AFF2: variants seen among roughly 807,000 people sequenced by gnomAD.
AFF2 encodes the protein ALF transcription elongation factor 2, also known as AF4/FMR2 family member 2.
In AFF2, 14 loss-of-function variants were observed where a neutral mutation model predicts 76.9. The observed-to-expected ratio is 0.18, with a 90% confidence interval of 0.12 to 0.28. AFF2 has a LOEUF of 0.28. Among genes scored for constraint, AFF2 ranks in the 10% least tolerant of loss-of-function variants. The pLI is 1.00. For synonymous variants in AFF2, 398 were observed against 366.7 expected (o/e 1.09, Z -0.98); for missense variants, 868 against 1,001.1 (o/e 0.87, Z 1.79).
At chrX:148,743,091 T>C (rs1473337681) in intron 3 of AFF2, among the ~76,000 whole-genome samples, 1 of 112,159 alleles carries the variant, frequency 8.9e-6, no homozygotes, top group African/African-American at 3.2e-5. Context: ...ACTTTCTCTC[T>C]CTAAAACTGA....
intron 3 of AFF2, among the ~76,000 whole-genome samples, chrX:148,783,578 C>G (rs782394167): frequency 8.9e-6 from 1 of 111,741 alleles, no homozygotes; most frequent in South Asian, 3.8e-4. Context: ...TTAACTCTGT[C>G]AGTTCCAAAC....
At chrX:148,906,301 C>T (rs1279306856) in intron 9 of AFF2, among the ~76,000 whole-genome samples, 4 of 112,022 alleles carry the variant, frequency 3.6e-5, no homozygotes, top group Admixed American at 9.4e-5. Flanking sequence ...CTGCACAACC[C>T]TACTATGCCC....
chrX:148,604,774 G>A (rs2053658140), intron 1 of AFF2, among the ~76,000 whole-genome samples: 1 of 111,003 alleles, frequency 9.0e-6, no homozygotes, highest in Admixed American at 9.6e-5. Flanking sequence ...CCAAAAGAAA[G>A]CAAAAAGAAG....
intron 3 of AFF2, among the ~76,000 whole-genome samples, chrX:148,759,728 T>C (rs1339878368): frequency 8.9e-6 from 1 of 112,049 alleles, no homozygotes; most frequent in African/African-American, 3.2e-5. Flanking sequence ...AGGAATAGTT[T>C]TGTTAATGGA....
chrX:148,656,141 C>G (rs1004603128), intron 2 of AFF2, among the ~76,000 whole-genome samples: 1 of 111,909 alleles, frequency 8.9e-6, no homozygotes, highest in Non-Finnish European at 1.9e-5. Context: ...TTGCCTCTAC[C>G]ACTGCCAGAA....
At chrX:148,851,967 A>G (rs2070735915) in intron 7 of AFF2, among the ~76,000 whole-genome samples, 1 of 110,237 alleles carries the variant, frequency 9.1e-6, no homozygotes. Flanking sequence ...GTAAGTGAGA[A>G]CATGCAGTAT....
intron 15 of AFF2, among the ~76,000 whole-genome samples, chrX:148,970,255 A>T (rs2072233501): frequency 8.9e-6 from 1 of 112,371 alleles, no homozygotes; most frequent in African/African-American, 3.2e-5. Flanking sequence ...CCTGCAGCTC[A>T]TAAAAGCTGG....
chrX:148,619,175 T>A (rs1375955424), intron 1 of AFF2, among the ~76,000 whole-genome samples: 1 of 111,777 alleles, frequency 8.9e-6, no homozygotes, highest in Non-Finnish European at 1.9e-5. Context: ...CAATCCCTCA[T>A]GGCTTTCATA....
intron 3 of AFF2, among the ~76,000 whole-genome samples, chrX:148,692,304 G>A (rs782546913): frequency 1.8e-5 from 2 of 111,895 alleles, no homozygotes; most frequent in East Asian, 2.8e-4. Flanking sequence ...ACGTCTTAGC[G>A]TTTTTGCTTC....
At chrX:148,590,255 CATCAAT>C (rs1329810591) in intron 1 of AFF2, among the ~76,000 whole-genome samples, 2 of 109,757 alleles carry the variant, frequency 1.8e-5, no homozygotes, top group Non-Finnish European at 3.8e-5. Context: ...TATGAAAATC[CATCAAT>C]ATGTAATTAT....
In AFF2 at chrX:148,582,638, G is replaced by A. The variant is rs782556419; in HGVS notation, c.48-69361G>A. Among the ~76,000 whole-genome samples the A allele has an allele frequency of 6.0e-4, 67 of 111,933 alleles. 1 individual carries two copies. The highest frequency in any genetic ancestry group is 1.9e-3 in the African/African-American group (60 of 30,899). On this transcript the variant is annotated intron_variant, in intron 1 of 20. Transcript: ENST00000370460. ...GAAATTGGAATCTTCATTCATTCCT[G>A]CTGAGAACATACAATGGTATAGCCA...
chrX:148,677,425 C>T (rs1054903532), intron 3 of AFF2, among the ~76,000 whole-genome samples: 19 of 112,087 alleles, frequency 1.7e-4, no homozygotes, highest in African/African-American at 5.8e-4. Context: ...TTATTTCTTA[C>T]AAATGGCCTT....
At chrX:148,933,611 G>C (rs1557284649) in intron 9 of AFF2, among the ~76,000 whole-genome samples, 1 of 110,825 alleles carries the variant, frequency 9.0e-6, no homozygotes, top group African/African-American at 3.3e-5. Flanking sequence ...GAACAGATAA[G>C]ATTTGCTAAT....
intron 1 of AFF2, among the ~76,000 whole-genome samples, chrX:148,586,572 C>T (rs1270231818): frequency 9.0e-6 from 1 of 111,731 alleles, no homozygotes; most frequent in Non-Finnish European, 1.9e-5. Flanking sequence ...CAAATATATA[C>T]CCAGTTCATC....
At chrX:148,848,318 A>G (rs914366196) in intron 7 of AFF2, among the ~76,000 whole-genome samples, 5 of 112,003 alleles carry the variant, frequency 4.5e-5, no homozygotes, top group Non-Finnish European at 9.4e-5. Flanking sequence ...AGAGAATAGA[A>G]AGACTGTGAG....
intron 7 of AFF2, among the ~76,000 whole-genome samples, chrX:148,860,748 C>T (rs782098078): frequency 2.7e-5 from 3 of 111,863 alleles, no homozygotes; most frequent in Middle Eastern, 4.6e-3. Context: ...CATTATATGG[C>T]TTTTCTACTC....
At chrX:148,593,561 A>G (rs1237472809) in intron 1 of AFF2, among the ~76,000 whole-genome samples, 4 of 112,141 alleles carry the variant, frequency 3.6e-5, no homozygotes, top group Non-Finnish European at 7.5e-5. Flanking sequence ...TGGTAGAAGA[A>G]GCATGAACTT....
At chrX:148,946,168 C>G (rs782628018) in intron 9 of AFF2, among the ~76,000 whole-genome samples, 1 of 112,381 alleles carries the variant, frequency 8.9e-6, no homozygotes, top group Non-Finnish European at 1.9e-5. Flanking sequence ...CGGTCATTTA[C>G]AGTTATCATA....
At chrX:148,786,309 A>G (rs1183423520) in intron 3 of AFF2, among the ~76,000 whole-genome samples, 3 of 111,566 alleles carry the variant, frequency 2.7e-5, no homozygotes, top group Non-Finnish European at 5.6e-5. Context: ...TAGTACAGGC[A>G]TTCATGTATT....
Sources: allele counts gnomAD v4.1 joint callset (sites outside exome capture counted in the v4.1 genomes callset), GRCh38; gene constraint gnomAD v4.1.1; transcripts MANE v1.5; gene names NCBI Gene and HGNC (gene_info 2026-07-23, HGNC 2026-07-21).